Variants in PCDHA1 observed in about 807,000 individuals in gnomAD.
The protein encoded by PCDHA1 is protocadherin alpha-1.
Under a neutral mutation model 61.3 loss-of-function variants are expected in PCDHA1, and 42 were observed. The ratio of observed to expected loss-of-function variants is 0.69; its 90% CI spans 0.54 to 0.89. PCDHA1 has a LOEUF of 0.89. Ranked by LOEUF, PCDHA1 falls within the 40% of genes least tolerant of loss-of-function variation. The pLI, the probability that PCDHA1 is intolerant of heterozygous loss-of-function variation, is 0.00. For missense variants in PCDHA1, 1,256 were observed against 1,235.3 expected, an observed-to-expected ratio of 1.02 and a Z score of -0.25; for synonymous variants, 610 against 553.8, an observed-to-expected ratio of 1.10 and a Z score of -1.43.
At chr5:140,857,150 A>C in intron 1 of PCDHA1, 1 of 1,598,240 alleles carries the variant, frequency 6.3e-7, no homozygotes, top group Non-Finnish European at 8.6e-7. Context: ...GGGCACCGTC[A>C]TTGCCCTAAT....
chr5:140,803,639 C>T, intron 1 of PCDHA1: 2 of 1,613,254 alleles, frequency 1.2e-6, no homozygotes, highest in Non-Finnish European at 1.7e-6. Context: ...GTTTTTCATT[C>T]CTCAATGTTT....
At chr5:140,994,789 G>A (rs901197365) in intron 3 of PCDHA1, among the ~76,000 whole-genome samples, 8 of 152,260 alleles carry the variant, frequency 5.3e-5, no homozygotes, top group South Asian at 4.1e-4. Flanking sequence ...GAAACAATGC[G>A]TGCATGCAAA....
intron 1 of PCDHA1, among the ~76,000 whole-genome samples, chr5:140,937,818 A>T (rs190175998): frequency 0.029 from 4,407 of 151,960 alleles, 79 homozygotes; most frequent in Admixed American, 0.046. Context: ...AAGCTGAGGC[A>T]GGAGAATGGC....
chr5:140,824,610 G>GTTGTTTTTTTTTT (rs1768193318), intron 1 of PCDHA1: 13 of 95,104 alleles, frequency 1.4e-4, no homozygotes, highest in African/African-American at 5.8e-4. Context: ...GCTAATTAAA[G>GTTGTTTTTTTTTT]TTTTTTTTTT....
chr5:140,850,440 G>A (rs2150484697), intron 1 of PCDHA1: 3 of 1,598,068 alleles, frequency 1.9e-6, no homozygotes, highest in South Asian at 1.1e-5. Flanking sequence ...GCGCCTACTG[G>A]TGCTGGTGAA....
intron 1 of PCDHA1, chr5:140,823,971 A>C: frequency 6.2e-7 from 1 of 1,614,076 alleles, no homozygotes; most frequent in East Asian, 2.2e-5. Flanking sequence ...CCGTGTGCAC[A>C]CGGGGCAAGC....
intron 1 of PCDHA1, chr5:140,868,845 A>G (rs1242434681): frequency 6.7e-6 from 3 of 451,106 alleles, no homozygotes; most frequent in Non-Finnish European, 7.5e-6. Flanking sequence ...AACACGTGAA[A>G]TTCTGTGGTG....
At chr5:140,909,043 C>T (rs2074280472) in intron 1 of PCDHA1, among the ~76,000 whole-genome samples, 1 of 152,188 alleles carries the variant, frequency 6.6e-6, no homozygotes, top group Non-Finnish European at 1.5e-5. Flanking sequence ...TTTCCATACT[C>T]TGGCATGCAA....
chr5:140,862,857 T>C (rs782223560), intron 1 of PCDHA1: 7 of 517,122 alleles, frequency 1.4e-5, no homozygotes, highest in African/African-American at 1.1e-4. Context: ...TGAGCAGCAA[T>C]GTGACGCTGC....
In PCDHA1 at chr5:140,830,077, G is replaced by T. The variant is rs2150180808; in HGVS notation, c.2394+41393G>T. The T allele has an allele frequency of 8.1e-6, 13 of 1,613,546 alleles. No homozygotes were observed. In the South Asian group the frequency reaches 1.2e-4, roughly 15 times the overall value. On this transcript the variant is annotated intron_variant, in intron 1 of 3. Transcript: ENST00000504120. Reference sequence around the variant, plus strand: ...ACGGTGAGCCGGCGCTGACAGCGACGGCCACGGTTCTGGTGTCGCTGGTGG... The same window carrying T: ...ACGGTGAGCCGGCGCTGACAGCGACTGCCACGGTTCTGGTGTCGCTGGTGG...
At chr5:140,836,003 G>C (rs1456412206) in intron 1 of PCDHA1, 7 of 1,613,210 alleles carry the variant, frequency 4.3e-6, no homozygotes, top group East Asian at 2.2e-5. Flanking sequence ...CGCGCGATGC[G>C]GGCGTGCCGC....
intron 1 of PCDHA1, chr5:140,794,992 G>A: frequency 6.2e-7 from 1 of 1,613,264 alleles, no homozygotes; most frequent in Non-Finnish European, 8.5e-7. Context: ...AAGGGGCCGA[G>A]GGGCCTGGAC....
At chr5:140,803,973 T>A in intron 1 of PCDHA1, 1 of 313,154 alleles carries the variant, frequency 3.2e-6, no homozygotes, top group Non-Finnish European at 5.8e-6. Flanking sequence ...CACTTTTCAT[T>A]TGGACTTCCT....
At chr5:140,796,473 GT>G (rs1554119930) in intron 1 of PCDHA1, 1 of 1,612,230 alleles carries the variant, frequency 6.2e-7, no homozygotes, top group Admixed American at 1.7e-5. Flanking sequence ...GCGAGCGCGC[GT>G]TGTCGAGCTA....
intron 1 of PCDHA1, chr5:140,824,314 T>C (rs986796925): frequency 2.7e-6 from 2 of 754,632 alleles, no homozygotes; most frequent in Non-Finnish European, 4.4e-6. Context: ...AATAGATTCA[T>C]CAGCTTTCTG....
intron 1 of PCDHA1, chr5:140,808,458 T>G (rs1764176354): frequency 6.2e-7 from 1 of 1,614,180 alleles, no homozygotes; most frequent in East Asian, 2.2e-5. Context: ...TATGAGCTGG[T>G]GGTGACCGCG....
At chr5:140,828,176 G>C (rs782133322) in intron 1 of PCDHA1, 1 of 1,614,128 alleles carries the variant, frequency 6.2e-7, no homozygotes, top group African/African-American at 1.3e-5. Flanking sequence ...GGTGGGGAGC[G>C]GCCAGCTCCA....
intron 1 of PCDHA1, among the ~76,000 whole-genome samples, chr5:140,902,728 C>T (rs1280424808): frequency 6.6e-6 from 1 of 151,858 alleles, no homozygotes; most frequent in Non-Finnish European, 1.5e-5. Flanking sequence ...ACCCTTCCCT[C>T]CAAGTCCCCC....
intron 1 of PCDHA1, among the ~76,000 whole-genome samples, chr5:140,961,590 A>C (rs1554225489): frequency 2.0e-5 from 3 of 152,100 alleles, no homozygotes; most frequent in Non-Finnish European, 4.4e-5. Flanking sequence ...TATTTTGGCA[A>C]TGATTCTAGT....
Sources: gnomAD v4.1 joint callset for allele counts (sites outside exome capture counted in the v4.1 genomes callset) on GRCh38, gnomAD v4.1.1 for gene constraint, MANE v1.5 for transcripts, NCBI Gene and HGNC (gene_info 2026-07-23, HGNC 2026-07-21) for gene names.